Variants in FLI1 observed in about 807,000 individuals in gnomAD.
FLI1 encodes Friend leukemia integration 1 transcription factor.
In FLI1, 13 loss-of-function variants were observed where a neutral mutation model predicts 53.1. The observed-to-expected ratio is 0.24, with a 90% confidence interval of 0.16 to 0.39. FLI1 has a LOEUF of 0.39. FLI1 is among the 10% of genes least tolerant of loss of function. The pLI is 1.00. For missense variants in FLI1, 424 were observed against 600.5 expected (o/e 0.71, Z 3.07); for synonymous variants, 244 against 236.7 (o/e 1.03, Z -0.28).
chr11:128,726,370 G>A (rs1011247136), intron 1 of FLI1, among the ~76,000 whole-genome samples: 7 of 152,320 alleles, frequency 4.6e-5, no homozygotes, highest in African/African-American at 1.2e-4. Flanking sequence ...GGCTGGGGGT[G>A]CAACCGGGAA....
chr11:128,734,341 A>G (rs1939828687), intron 1 of FLI1, among the ~76,000 whole-genome samples: 1 of 152,192 alleles, frequency 6.6e-6, no homozygotes, highest in African/African-American at 2.4e-5. Context: ...CGAGCTGAGT[A>G]CTCAGATGGA....
chr11:128,719,256 TCA>T (rs1939149248), intron 1 of FLI1, among the ~76,000 whole-genome samples: 1 of 149,696 alleles, frequency 6.7e-6, no homozygotes, highest in South Asian at 2.1e-4. Context: ...TGTCAGAGTC[TCA>T]GTTTCCTCAT....
intron 2 of FLI1, chr11:128,764,676 G>T: frequency 6.5e-7 from 1 of 1,537,324 alleles, no homozygotes; most frequent in Non-Finnish European, 8.7e-7. Flanking sequence ...TTAAAGAGCA[G>T]CCTTTTATGC....
Position 128,809,220 on chromosome 11 carries a change from C to T in FLI1, c.829+16C>T. The T allele has an allele frequency of 6.2e-7, 1 of 1,612,066 alleles. No homozygotes were observed. Among genetic ancestry groups the T allele is most frequent in the Non-Finnish European group, 8.5e-7 (1 of 1,178,110 alleles). Reference sequence around the variant, plus strand: ...GCCAACCCTGGTGAGTTTACCTTGGCCTGCAAGCCTTTTTTGCCAGAATGT... The same window carrying T: ...GCCAACCCTGGTGAGTTTACCTTGGTCTGCAAGCCTTTTTTGCCAGAATGT... On this transcript the variant is annotated intron_variant, in intron 8 of 8. Transcript: ENST00000527786.
At chr11:128,802,405 G>A (rs1942659838) in intron 5 of FLI1, among the ~76,000 whole-genome samples, 1 of 152,114 alleles carries the variant, frequency 6.6e-6, no homozygotes, top group Non-Finnish European at 1.5e-5. Context: ...CAAATACTTG[G>A]GAATAAAAAA....
intron 1 of FLI1, among the ~76,000 whole-genome samples, chr11:128,745,061 T>G (rs1030564630): frequency 3.9e-5 from 6 of 152,206 alleles, no homozygotes; most frequent in African/African-American, 1.4e-4. Flanking sequence ...GGCAATTCTA[T>G]GCAGGTGAAG....
intron 1 of FLI1, among the ~76,000 whole-genome samples, chr11:128,698,910 TA>T (rs1218104151): frequency 6.6e-6 from 1 of 152,228 alleles, no homozygotes; most frequent in Admixed American, 6.5e-5. Context: ...ATAGAATTTT[TA>T]TACAACTGTT....
intron 1 of FLI1, among the ~76,000 whole-genome samples, chr11:128,701,141 TGGCATTAG>T (rs1255138311): frequency 6.6e-6 from 1 of 152,118 alleles, no homozygotes; most frequent in African/African-American, 2.4e-5. Context: ...TGATTAAATA[TGGCATTAG>T]GGGAGGGAGG....
intron 6 of FLI1, chr11:128,806,589 T>G (rs1942789674): frequency 6.6e-6 from 1 of 152,104 alleles, no homozygotes; most frequent in African/African-American, 2.4e-5. Flanking sequence ...GCGTGTATGG[T>G]GGGTTGTGGG....
chr11:128,698,386 C>A (rs1181868878), intron 1 of FLI1, among the ~76,000 whole-genome samples: 1 of 152,330 alleles, frequency 6.6e-6, no homozygotes, highest in East Asian at 1.9e-4. Context: ...CAAGTGGAAT[C>A]CTGTTTTGTG....
intron 1 of FLI1, among the ~76,000 whole-genome samples, chr11:128,709,258 T>C (rs1938688026): frequency 6.6e-6 from 1 of 152,210 alleles, no homozygotes; most frequent in Admixed American, 6.5e-5. Flanking sequence ...AAAAGCACTT[T>C]GTAATTGTAA....
chr11:128,800,980 G>C (rs916297810), intron 5 of FLI1, among the ~76,000 whole-genome samples: 2 of 152,184 alleles, frequency 1.3e-5, no homozygotes, highest in Non-Finnish European at 2.9e-5. Context: ...TGAAAAGTTA[G>C]TTTGTCAGAA....
intron 3 of FLI1, among the ~76,000 whole-genome samples, chr11:128,771,112 G>A (rs1941537008): frequency 6.6e-6 from 1 of 152,218 alleles, no homozygotes; most frequent in Admixed American, 6.5e-5. Flanking sequence ...ACTCCATTTT[G>A]CATCTGTAAA....
chr11:128,724,835 A>G (rs1259010913), intron 1 of FLI1, among the ~76,000 whole-genome samples: 1 of 152,204 alleles, frequency 6.6e-6, no homozygotes, highest in Non-Finnish European at 1.5e-5. Context: ...TAGGAGGCCC[A>G]GTCATTCCTC....
At chr11:128,797,515 C>T (rs1382168927) in intron 5 of FLI1, among the ~76,000 whole-genome samples, 1 of 152,210 alleles carries the variant, frequency 6.6e-6, no homozygotes, top group Non-Finnish European at 1.5e-5. Flanking sequence ...CCCATCCCTG[C>T]ACTGCCTACT....
chr11:128,759,008 C>G (rs2135812080), intron 2 of FLI1, among the ~76,000 whole-genome samples: 1 of 152,362 alleles, frequency 6.6e-6, no homozygotes, highest in African/African-American at 2.4e-5. Flanking sequence ...AGAGCACCAG[C>G]TTTCTCCCTT....
At chr11:128,687,213 G>A (rs1029165626) in intron 1 of FLI1, among the ~76,000 whole-genome samples, 1 of 152,176 alleles carries the variant, frequency 6.6e-6, no homozygotes, top group African/African-American at 2.4e-5. Flanking sequence ...CTTTGGCCCC[G>A]CCCGCCCTTC....
At chr11:128,797,693 C>T (rs886172245) in intron 5 of FLI1, among the ~76,000 whole-genome samples, 3 of 152,156 alleles carry the variant, frequency 2.0e-5, no homozygotes, top group Admixed American at 1.3e-4. Flanking sequence ...TTCAGTAAAA[C>T]ATTGTTGAAT....
chr11:128,722,787 C>T (rs546773959), intron 1 of FLI1, among the ~76,000 whole-genome samples: 9 of 152,142 alleles, frequency 5.9e-5, no homozygotes, highest in Non-Finnish European at 1.2e-4. Context: ...GCAGAAAAGC[C>T]GTGCGGAAAC....
Sources: gnomAD v4.1 joint callset for allele counts (sites outside exome capture counted in the v4.1 genomes callset) on GRCh38, gnomAD v4.1.1 for gene constraint, MANE v1.5 for transcripts, NCBI Gene and HGNC (gene_info 2026-07-23, HGNC 2026-07-21) for gene names.